Variants in IMMP2L observed in about 807,000 individuals in gnomAD.
The protein encoded by IMMP2L is mitochondrial inner membrane protease subunit 2.
In IMMP2L, 18 loss-of-function variants were observed where a neutral mutation model predicts 19.3. The observed-to-expected ratio is 0.93, with a 90% CI of 0.64 to 1.38. IMMP2L has a LOEUF of 1.38. Ranked by LOEUF, IMMP2L falls within the 40% of genes most tolerant of loss-of-function variation. IMMP2L has a pLI of 0.00. For synonymous variants in IMMP2L, 76 were observed against 73.0 expected (o/e 1.04, Z -0.21); for missense variants, 233 against 218.2 (o/e 1.07, Z -0.43).
intron 5 of IMMP2L, among the ~76,000 whole-genome samples, chr7:110,751,991 A>G (rs1028936824): frequency 6.6e-6 from 1 of 151,996 alleles, no homozygotes; most frequent in African/African-American, 2.4e-5. Context: ...TAAGTCCCAC[A>G]CTAAGATTTT....
intron 3 of IMMP2L, among the ~76,000 whole-genome samples, chr7:111,355,665 T>A (rs1270057067): frequency 6.6e-6 from 1 of 151,918 alleles, no homozygotes; most frequent in Non-Finnish European, 1.5e-5. Context: ...ACAGAAATGT[T>A]GTTCATGAGT....
chr7:110,833,981 A>T (rs1804203496), intron 5 of IMMP2L, among the ~76,000 whole-genome samples: 1 of 152,198 alleles, frequency 6.6e-6, no homozygotes, highest in Non-Finnish European at 1.5e-5. Context: ...AACTAGATCA[A>T]CTAAGTTATT....
chr7:110,984,304 C>T (rs1181928584), intron 3 of IMMP2L, among the ~76,000 whole-genome samples: 1 of 146,940 alleles, frequency 6.8e-6, no homozygotes, highest in South Asian at 2.1e-4. Context: ...AAAAAAAAAA[C>T]CACCTAGATT....
At chr7:111,338,161 A>C (rs1381849264) in intron 3 of IMMP2L, among the ~76,000 whole-genome samples, 1 of 152,156 alleles carries the variant, frequency 6.6e-6, no homozygotes, top group Non-Finnish European at 1.5e-5. Context: ...TCTGCAGTCA[A>C]ATGCACAGTG....
intron 3 of IMMP2L, among the ~76,000 whole-genome samples, chr7:111,451,133 A>C (rs1380062451): frequency 4.1e-5 from 6 of 146,666 alleles, no homozygotes; most frequent in South Asian, 4.3e-4. Flanking sequence ...TAGTTCAACC[A>C]TTGTGGAAGT....
At chr7:110,963,124 A>C (rs1819145785) in intron 4 of IMMP2L, 2 of 1,492,190 alleles carry the variant, frequency 1.3e-6, no homozygotes. Context: ...TAGTTTCTGC[A>C]TTTGCTTCTA....
chr7:111,421,767 A>T (rs866145488), intron 3 of IMMP2L, among the ~76,000 whole-genome samples: 13 of 151,558 alleles, frequency 8.6e-5, no homozygotes, highest in African/African-American at 3.2e-4. Flanking sequence ...GCCATTGCTT[A>T]TGGTGTTTTA....
At chr7:110,761,961 G>A (rs951485799) in intron 5 of IMMP2L, among the ~76,000 whole-genome samples, 2 of 152,072 alleles carry the variant, frequency 1.3e-5, no homozygotes, top group African/African-American at 2.4e-5. Flanking sequence ...CACGGGGTCC[G>A]TACCTCTGCC....
chr7:111,124,805 C>A (rs1286725541), intron 3 of IMMP2L: 2 of 1,612,728 alleles, frequency 1.2e-6, no homozygotes, highest in African/African-American at 2.7e-5. Context: ...GAGCTTTATC[C>A]TCCTCTGATA....
chr7:111,485,553 C>A (rs1309640477), intron 3 of IMMP2L, among the ~76,000 whole-genome samples: 3 of 139,370 alleles, frequency 2.2e-5, no homozygotes. Flanking sequence ...AGCCGAGATC[C>A]CGCCACTGCA....
chr7:110,692,476 G>A (rs1022183000), intron 5 of IMMP2L, among the ~76,000 whole-genome samples: 7 of 150,438 alleles, frequency 4.7e-5, no homozygotes, highest in African/African-American at 7.3e-5. Context: ...AAAGCCACTT[G>A]TACCCCTAAA....
At chr7:111,175,106 C>T (rs561499431) in intron 3 of IMMP2L, among the ~76,000 whole-genome samples, 2 of 151,766 alleles carry the variant, frequency 1.3e-5, no homozygotes, top group Non-Finnish European at 2.9e-5. Flanking sequence ...TCAGAGTCCT[C>T]GTTGCATTAT....
intron 5 of IMMP2L, among the ~76,000 whole-genome samples, chr7:110,820,777 G>A (rs1043812870): frequency 1.3e-5 from 2 of 151,850 alleles, no homozygotes; most frequent in Admixed American, 6.6e-5. Context: ...CCCTAATAAG[G>A]GGTGGTAGGA....
At chr7:111,144,096 A>G (rs987166592) in intron 3 of IMMP2L, among the ~76,000 whole-genome samples, 1 of 152,194 alleles carries the variant, frequency 6.6e-6, no homozygotes, top group Non-Finnish European at 1.5e-5. Flanking sequence ...ATGTTGTGAC[A>G]AAACCTACTA....
intron 3 of IMMP2L, among the ~76,000 whole-genome samples, chr7:111,078,588 C>CA (rs1795610697): frequency 6.6e-6 from 1 of 151,700 alleles, no homozygotes; most frequent in Admixed American, 6.6e-5. Flanking sequence ...TATGCAAGGG[C>CA]AAAAAAATGT....
intron 3 of IMMP2L, among the ~76,000 whole-genome samples, chr7:111,187,005 T>A (rs1808343705): frequency 6.6e-6 from 1 of 152,058 alleles, no homozygotes; most frequent in Non-Finnish European, 1.5e-5. Flanking sequence ...TCTACTTAGT[T>A]CTGGGAATAG....
chr7:110,752,531 G>C (rs1797785191), intron 5 of IMMP2L, among the ~76,000 whole-genome samples: 2 of 151,910 alleles, frequency 1.3e-5, no homozygotes, highest in South Asian at 4.1e-4. Context: ...AAAGTCACTG[G>C]GACACTCACT....
At chr7:111,061,567 T>C (rs1794018461) in intron 3 of IMMP2L, among the ~76,000 whole-genome samples, 2 of 152,148 alleles carry the variant, frequency 1.3e-5, no homozygotes, top group South Asian at 4.2e-4. Context: ...CTGCACCTCC[T>C]ATCAAAGCTA....
intron 2 of IMMP2L, among the ~76,000 whole-genome samples, chr7:111,495,029 T>G (rs1229891319): frequency 7.2e-5 from 11 of 152,180 alleles, no homozygotes; most frequent in Admixed American, 7.2e-4. Context: ...CTCTATAAAT[T>G]AATCCAAAAA....
Sources: allele counts gnomAD v4.1 joint callset (sites outside exome capture counted in the v4.1 genomes callset), GRCh38; gene constraint gnomAD v4.1.1; transcripts MANE v1.5; gene names NCBI Gene and HGNC (gene_info 2026-07-23, HGNC 2026-07-21).